CDC25C: variants seen among roughly 807,000 people sequenced by gnomAD.
CDC25C encodes cell division cycle 25C, also known as M-phase inducer phosphatase 3.
In CDC25C, 48 loss-of-function variants were observed where a neutral mutation model predicts 52.5. The ratio of observed to expected loss-of-function variants is 0.91; its 90% CI spans 0.72 to 1.16. The LOEUF (loss-of-function observed/expected upper bound fraction) is 1.16. Among genes scored for constraint, CDC25C ranks in the 50% most tolerant of loss-of-function variants. The pLI is 0.00. For missense variants in CDC25C, 510 were observed against 566.1 expected (o/e 0.90, Z 1.01); for synonymous variants, 187 against 206.5 (o/e 0.91, Z 0.81).
At chr5:138,308,320 G>A (rs1758192819) in intron 7 of CDC25C, among the ~76,000 whole-genome samples, 1 of 152,104 alleles carries the variant, frequency 6.6e-6, no homozygotes, top group South Asian at 2.1e-4. Flanking sequence ...TCACTGTACT[G>A]TACTTAATTT....
chr5:138,329,723 CTTCTTT>C, intron 2 of CDC25C, 76 bp from the exon 3 acceptor site: 2 of 488,634 alleles, frequency 4.1e-6, no homozygotes, highest in Non-Finnish European at 6.9e-6. Flanking sequence ...ATGTCATCCT[CTTCTTT>C]TTTTTTTTTT....
chr5:138,286,090 G>C lies in CDC25C; in HGVS notation c.1204C>G (p.Pro402Ala). 1.2e-6 allele frequency: 2 copies of C among 1,614,134 alleles called. No individual in the cohort carries two copies. The highest frequency in any genetic ancestry group is 4.5e-5 in the East Asian group (2 of 44,882). ...TATAGCTCTGGGTAGTACAATGCAG[G>C]ATACTGGTTCAGAGACCTGTCCTCT... ...REEDRSLNQYPALYYPELYIL... is the reference protein window; with the variant it reads ...REEDRSLNQYAALYYPELYIL... The change falls in exon 13 of 14, where the codon CCT (proline) becomes GCT (alanine). Residue 402 changes from proline (P) to alanine (A), a missense_variant. Physicochemically the swap from Pro to Ala is conservative, Grantham distance 27. Transcript: ENST00000323760.
intron 6 of CDC25C, among the ~76,000 whole-genome samples, chr5:138,324,649 G>A (rs759250521): frequency 1.3e-5 from 2 of 151,200 alleles, no homozygotes; most frequent in East Asian, 2.0e-4. Context: ...TCCCAGCTAC[G>A]TGGGAGGCTG....
intron 4 of CDC25C, among the ~76,000 whole-genome samples, chr5:138,328,097 C>A (rs558895685): frequency 6.6e-6 from 1 of 152,196 alleles, no homozygotes; most frequent in Non-Finnish European, 1.5e-5. Context: ...GAACTGCTGA[C>A]CTCAACTGAT....
At chr5:138,335,870 CATA>C (rs914785891), upstream of CDC25C, among the ~76,000 whole-genome samples, 3 of 149,922 alleles carry the variant, frequency 2.0e-5, no homozygotes, top group Admixed American at 1.3e-4. Flanking sequence ...CCATTTAATT[CATA>C]ATAATTAAAT....
At chr5:138,292,203 T>C in intron 7 of CDC25C, 87 bp from the exon 8 acceptor site, 1 of 1,085,938 alleles carries the variant, frequency 9.2e-7, no homozygotes, top group Non-Finnish European at 1.3e-6. Flanking sequence ...GGAGCTTCTT[T>C]GAAATGCAGG....
intron 7 of CDC25C, among the ~76,000 whole-genome samples, chr5:138,305,630 G>T (rs866029310): frequency 1.3e-5 from 2 of 152,040 alleles, no homozygotes; most frequent in African/African-American, 2.4e-5. Context: ...CAAACTTGTC[G>T]ACTCAAACTA....
chr5:138,307,490 C>CAAAAAA (rs57593237), intron 7 of CDC25C, among the ~76,000 whole-genome samples: 627 of 88,192 alleles, frequency 7.1e-3, no homozygotes, highest in African/African-American at 0.012. Flanking sequence ...GAGACTGCCA[C>CAAAAAA]AAAAAAAAAA....
intron 7 of CDC25C, among the ~76,000 whole-genome samples, chr5:138,293,100 C>G (rs531564257): frequency 2.4e-4 from 36 of 152,280 alleles, no homozygotes; most frequent in South Asian, 6.2e-4. Flanking sequence ...TGTTGTTTAT[C>G]ACACACATGG....
intron 6 of CDC25C, among the ~76,000 whole-genome samples, chr5:138,321,879 G>C (rs1759437096): frequency 1.3e-5 from 2 of 151,428 alleles, no homozygotes; most frequent in Non-Finnish European, 2.9e-5. Context: ...TGGAGTCCAT[G>C]GTCTATGAAA....
chr5:138,324,823 C>A (rs192715667), intron 6 of CDC25C, among the ~76,000 whole-genome samples: 1 of 152,114 alleles, frequency 6.6e-6, no homozygotes, highest in East Asian at 1.9e-4. Flanking sequence ...AATCTCAGCC[C>A]TTTGAGAGGC....
chr5:138,314,576 G>C (rs1410190083), intron 7 of CDC25C, among the ~76,000 whole-genome samples: 1 of 148,078 alleles, frequency 6.8e-6, no homozygotes, highest in Non-Finnish European at 1.5e-5. Flanking sequence ...GATTACAGGT[G>C]TGAGTCACCG....
intron 7 of CDC25C, among the ~76,000 whole-genome samples, chr5:138,300,374 G>C (rs1038470475): frequency 6.6e-6 from 1 of 152,096 alleles, no homozygotes; most frequent in African/African-American, 2.4e-5. Flanking sequence ...GACCAGCCTG[G>C]GCAACATGGT....
At chr5:138,286,712 C>G in intron 11 of CDC25C, 82 bp from the exon 12 acceptor site, 2 of 1,325,840 alleles carry the variant, frequency 1.5e-6, no homozygotes, top group Non-Finnish European at 2.1e-6. Context: ...AGACGCCAAC[C>G]TGGGATAATG....
At chr5:138,313,422 G>T (rs1758611396) in intron 7 of CDC25C, among the ~76,000 whole-genome samples, 2 of 149,250 alleles carry the variant, frequency 1.3e-5, no homozygotes, top group South Asian at 4.2e-4. Flanking sequence ...TCTGCTTGGG[G>T]TAATAAAAAA....
intron 7 of CDC25C, among the ~76,000 whole-genome samples, chr5:138,296,754 C>A (rs1477798695): frequency 1.3e-5 from 2 of 150,490 alleles, no homozygotes; most frequent in South Asian, 4.2e-4. Flanking sequence ...TACAGGCGCC[C>A]GCCACCGCAC....
At chr5:138,320,982 C>T (rs2126800649) in intron 6 of CDC25C, among the ~76,000 whole-genome samples, 1 of 146,996 alleles carries the variant, frequency 6.8e-6, no homozygotes, top group East Asian at 2.0e-4. Flanking sequence ...GCAGTCCCAC[C>T]TACTTGGTAG....
rs771250230 is a variant in CDC25C at position 138,290,729 on chromosome 5, T to TA, written c.773dup (p.Leu258PhefsTer9). The TA allele has an allele frequency of 3.7e-6, 6 of 1,601,200 alleles. No homozygotes were observed. The highest frequency in any genetic ancestry group is 2.7e-5 in the African/African-American group (2 of 74,664). On this transcript the variant is annotated frameshift_variant, in exon 9 of 14. Transcript: ENST00000323760. LOFTEE classifies it high-confidence loss of function. ...TGTCACACAGAGAGACTGTCTTCTT[T>TA]AAACATAAGCCCTGAAGATGACAAG... is the stretch of plus-strand genomic sequence containing the variant.
chr5:138,326,101 T>C (rs1759834437), intron 4 of CDC25C, 47 bp from the exon 5 acceptor site: 2 of 1,600,036 alleles, frequency 1.2e-6, no homozygotes, highest in Non-Finnish European at 1.7e-6. Context: ...CAAATACTGT[T>C]TGATTATTCT....
Sources: allele counts gnomAD v4.1 joint callset (sites outside exome capture counted in the v4.1 genomes callset), GRCh38; gene constraint gnomAD v4.1.1; transcripts MANE v1.5; gene names NCBI Gene and HGNC (gene_info 2026-07-23, HGNC 2026-07-21).